ADAP1: variants seen among roughly 807,000 people sequenced by gnomAD.
ADAP1 encodes arf-GAP with dual PH domain-containing protein 1.
Under a neutral mutation model 54.9 loss-of-function variants are expected in ADAP1, and 31 were observed. The ratio of observed to expected loss-of-function variants is 0.56; its 90% confidence interval spans 0.42 to 0.76. The LOEUF (loss-of-function observed/expected upper bound fraction) is 0.76, where lower values mean the gene tolerates loss of function less well. ADAP1 is among the 30% of genes least tolerant of loss of function. The pLI is 0.00. For synonymous variants in ADAP1, 313 were observed against 202.6 expected (o/e 1.55, Z -4.63); for missense variants, 535 against 512.4 (o/e 1.04, Z -0.42).
chr7:948,326 C>T (rs190666154), intron 1 of ADAP1, among the ~76,000 whole-genome samples: 6 of 152,116 alleles, frequency 3.9e-5, no homozygotes, highest in Admixed American at 3.3e-4. Context: ...CTGTACCCAC[C>T]GAGGCCTGAG....
intron 4 of ADAP1, among the ~76,000 whole-genome samples, chr7:919,289 G>A (rs1846063575): frequency 6.6e-6 from 1 of 152,156 alleles, no homozygotes; most frequent in Non-Finnish European, 1.5e-5. Context: ...CTGGAGACAG[G>A]GGTCCCTGCA....
rs976237272 is a variant in ADAP1, at chr7:913,860, G to A, written c.388+6108C>T. On this transcript the variant is annotated intron_variant, in intron 4 of 10. Transcript: ENST00000265846. Reference sequence around the variant, plus strand: ...TGAGGCAGGAGAATGGCGGGAACCCGGGAGGTGGACATTGCGGTGAGCTGA... The same window carrying A: ...TGAGGCAGGAGAATGGCGGGAACCCAGGAGGTGGACATTGCGGTGAGCTGA... Among the ~76,000 whole-genome samples the A allele has an allele frequency of 9.2e-5, 14 of 152,134 alleles. 1 individual carries two copies. The highest frequency in any genetic ancestry group is 2.9e-4 in the African/African-American group (12 of 41,442).
chr7:907,061 C>T (rs1240272810), intron 4 of ADAP1, among the ~76,000 whole-genome samples: 3 of 152,262 alleles, frequency 2.0e-5, no homozygotes, highest in South Asian at 2.1e-4. Context: ...TCCCTCCTCC[C>T]TCAGCCGTCC....
At chr7:913,906 G>T (rs2128101998) in intron 4 of ADAP1, among the ~76,000 whole-genome samples, 1 of 152,358 alleles carries the variant, frequency 6.6e-6, no homozygotes, top group African/African-American at 2.4e-5. Flanking sequence ...TTGCACCGCA[G>T]CCTGGGCAAC....
Position 920,195 on chromosome 7 carries a change from C to G in ADAP1, c.306-145G>C, listed in dbSNP as rs944303438. 1.6e-6 allele frequency: 1 copy of G among 644,832 alleles called. No individual in the cohort carries two copies. Among genetic ancestry groups the G allele is most frequent in the African/African-American group, 1.9e-5 (1 of 54,044 alleles). 39.9% of individuals were successfully genotyped at this position (644,832 alleles called of 1,614,324 possible). On this transcript the variant is annotated intron_variant, in intron 3 of 10. Transcript: ENST00000265846. The surrounding 1 kb of genome is among the most constrained non-coding windows in gnomAD (Gnocchi z 4.5). ...AGCCGCCCCTCTGGGCACAAGATCCCGGAAGAAATGCAGGGTCAGCCTCCT... is the reference window on the plus strand; with the variant it reads ...AGCCGCCCCTCTGGGCACAAGATCCGGGAAGAAATGCAGGGTCAGCCTCCT...
At chr7:907,199 C>T (rs1349942231) in intron 4 of ADAP1, among the ~76,000 whole-genome samples, 4 of 152,208 alleles carry the variant, frequency 2.6e-5, no homozygotes, top group Non-Finnish European at 5.9e-5. Flanking sequence ...AGAAAAGTAG[C>T]CCGGGCATCC....
rs145272069 is a variant in ADAP1, at chr7:938,686, G to A, written c.83-3181C>T. 3.6e-3 allele frequency among the ~76,000 whole-genome samples: 551 copies of A among 152,270 alleles called. 2 individuals carry two copies. The highest frequency in any genetic ancestry group is 5.4e-3 in the Non-Finnish European group (369 of 68,016). On this transcript the variant is annotated intron_variant, in intron 1 of 10. Coordinates refer to ENST00000265846, the MANE Select transcript of ADAP1 (RefSeq NM_006869.4). The surrounding 1 kb of genome is among the most constrained non-coding windows in gnomAD (Gnocchi z 4.4). The stretch of plus-strand genomic sequence containing the variant: ...CCGGGCCTCGGTCTCCTCATCTGTC[G>A]GATGGGACAGCACGAGCCACTTACA...
At position 908,777 on chromosome 7, in the gene ADAP1, G is replaced by A. The variant is rs540865455; in HGVS notation, c.389-3605C>T. Among the ~76,000 whole-genome samples the A allele has an allele frequency of 2.1e-4, 32 of 152,364 alleles. No homozygotes were observed. The South Asian group carries it at 6.0e-3, about 29-fold the overall frequency. On this transcript the variant is annotated intron_variant, in intron 4 of 10. Coordinates refer to ENST00000265846, the MANE Select transcript of ADAP1 (RefSeq NM_006869.4). ...GGCCCAGCGGCGCTTCCCGGCCTCT[G>A]CCGCTCACGGCCTTGTGTGCACCCC...
rs1409774072 is a variant in ADAP1 at position 927,130 on chromosome 7, C to T, written c.214-486G>A. The T allele has an allele frequency of 4.6e-6, 6 of 1,303,766 alleles. No individual in the cohort carries two copies. In the African/African-American group the frequency reaches 6.1e-5, roughly 13 times the overall value. The allele number at this position is 1,303,766 out of a possible 1,614,324, so 80.8% of individuals were successfully genotyped here. A position where few individuals can be genotyped will look rare whatever the true frequency, so the allele number is the denominator to read the frequency against. On this transcript the variant is annotated intron_variant, in intron 2 of 10. Transcript: ENST00000265846. ...TGGTGAGCGAGAGACCCAGATGTGGCTAGGACAGAGTCTCTGAGGGGACTC... is the reference window on the plus strand; with the variant it reads ...TGGTGAGCGAGAGACCCAGATGTGGTTAGGACAGAGTCTCTGAGGGGACTC...
chr7:906,920 C>G (rs1024481779), intron 4 of ADAP1, among the ~76,000 whole-genome samples: 2 of 151,958 alleles, frequency 1.3e-5, no homozygotes, highest in South Asian at 2.1e-4. Context: ...CCTGGATGAG[C>G]GGGACTCCAG....
intron 6 of ADAP1, among the ~76,000 whole-genome samples, chr7:901,565 G>C (rs373703204): frequency 6.6e-6 from 1 of 152,170 alleles, no homozygotes; most frequent in Non-Finnish European, 1.5e-5. Context: ...CTGGAGGATG[G>C]TGTAGCCCCA....
At chr7:906,729 ATGGGGGACAGAGTACAT>A (rs1562915456) in intron 4 of ADAP1, among the ~76,000 whole-genome samples, 368 of 16,066 alleles carry the variant, frequency 0.023, 21 homozygotes, top group East Asian at 0.059. Flanking sequence ...GGGACGGGAC[ATGGGGGACAGAGTACAT>A]AGGGGACATG....
At chr7:901,354 C>T (rs972531769) in intron 6 of ADAP1, 20 of 232,598 alleles carry the variant, frequency 8.6e-5, no homozygotes, top group Non-Finnish European at 1.2e-4. Flanking sequence ...AGCCTACAGC[C>T]TGGAGCTGGT....
intron 4 of ADAP1, among the ~76,000 whole-genome samples, chr7:914,975 CCT>C (rs1845872111): frequency 7.6e-6 from 1 of 130,850 alleles, no homozygotes; most frequent in Non-Finnish European, 1.6e-5. Context: ...CGACTCAGCA[CCT>C]CTGGGTCCCT....
rs986202994 is a variant in ADAP1, at chr7:945,749, C to T, written c.82+8647G>A. ...CTCTTTCCCTCCCTCCTCCCAGCCC[C>T]GCTCTGCCCTACCTGCTCCCAGGAC... On this transcript the variant is annotated intron_variant, in intron 1 of 10. Transcript: ENST00000265846. This position sits in a 1 kb window ranked among gnomAD's most constrained non-coding sequence, Gnocchi z 4.2. 19 of 985,888 alleles carry T rather than the reference C, an allele frequency of 1.9e-5. No homozygotes were observed. The highest frequency in any genetic ancestry group is 5.2e-5 in the African/African-American group (3 of 57,262). The allele number at this position is 985,888 out of a possible 1,614,324, so 61.1% of individuals were successfully genotyped here. A position where few individuals can be genotyped will look rare whatever the true frequency, so the allele number is the denominator to read the frequency against.
chr7:950,964 C>T (rs1412569985), intron 1 of ADAP1, among the ~76,000 whole-genome samples: 1 of 151,468 alleles, frequency 6.6e-6, no homozygotes, highest in Non-Finnish European at 1.5e-5. Context: ...GACAGAGCTT[C>T]AGTTTGGGAA....
In ADAP1 at chr7:898,487, G is replaced by GAA; in HGVS notation, c.*433_*434insTT. 1 of 257,864 alleles carries GAA rather than the reference G, an allele frequency of 3.9e-6. No individual in the cohort carries two copies. The highest frequency in any genetic ancestry group is 4.8e-5 in the South Asian group (1 of 20,686). The allele number at this position is 257,864 out of a possible 1,614,324, so 16.0% of individuals were successfully genotyped here. Reference sequence around the variant, plus strand: ...AGTCGTGGAGGTGGGGGGAGGGCGGGGCGGCATGCGAGCAGGGCCCAGTCC... The same window carrying GAA: ...AGTCGTGGAGGTGGGGGGAGGGCGGGAAGCGGCATGCGAGCAGGGCCCAGTCC... On this transcript the variant is annotated 3_prime_UTR_variant, in exon 11 of 11. Transcript: ENST00000265846.
chr7:913,197 CCTTTT>C (rs1845792806), intron 4 of ADAP1, among the ~76,000 whole-genome samples: 1 of 99,450 alleles, frequency 1.0e-5, no homozygotes, highest in South Asian at 3.2e-4. Flanking sequence ...TCCTCCCCTT[CCTTTT>C]TTTTTTTTTT....
intron 6 of ADAP1, among the ~76,000 whole-genome samples, chr7:902,674 G>A (rs1360683452): frequency 1.3e-5 from 2 of 151,572 alleles, no homozygotes; most frequent in African/African-American, 4.9e-5. Context: ...GAAAGTGGAG[G>A]GAGGAAATCA....
Sources: allele counts gnomAD v4.1 joint callset (sites outside exome capture counted in the v4.1 genomes callset), GRCh38; gene constraint gnomAD v4.1.1; non-coding constraint Gnocchi (gnomAD v3.1); transcripts MANE v1.5; gene names NCBI Gene and HGNC (gene_info 2026-07-23, HGNC 2026-07-21).